AKAP7: variants seen among roughly 807,000 people sequenced by gnomAD.
The protein encoded by AKAP7 is A kinase (PRKA) anchor protein 7.
Under a neutral mutation model 39.5 loss-of-function variants are expected in AKAP7, and 39 were observed. The ratio of observed to expected loss-of-function variants is 0.99; its 90% CI spans 0.76 to 1.29. The LOEUF (loss-of-function observed/expected upper bound fraction) is 1.29, where lower values mean the gene tolerates loss of function less well. Ranked by LOEUF, AKAP7 falls within the 50% of genes most tolerant of loss-of-function variation. The pLI, the probability that AKAP7 is intolerant of heterozygous loss-of-function variation, is 0.00. For missense variants in AKAP7, 414 were observed against 407.7 expected (o/e 1.02, Z -0.13); for synonymous variants, 140 against 139.1 (o/e 1.01, Z -0.05).
rs1340865874 is a variant in AKAP7 at position 131,199,534 on chromosome 6, C to G, written c.663C>G (p.Thr221=). ...GCAGAAGTTTTAAACCTCATTTGAC[C>G]TTCATGAAGTTGTCAAAATCACCGT... ...GESRSFKPHL[T]FMKLSKSPWL... is the part of the protein sequence containing the mutation. The change falls in exon 6 of 8, where the codon ACC becomes ACG. Residue 221 remains threonine (T), a synonymous_variant. Coordinates refer to ENST00000431975, the MANE Select transcript of AKAP7 (RefSeq NM_016377.4). The G allele has an allele frequency of 6.2e-7, 1 of 1,611,722 alleles. No individual in the cohort carries two copies. Among genetic ancestry groups the G allele is most frequent in the Non-Finnish European group, 8.5e-7 (1 of 1,178,078 alleles).
At position 131,282,363 on chromosome 6, in the gene AKAP7, T is replaced by G. The variant is rs1585240394; in HGVS notation, c.*637T>G. ...ATTTTGATAAGTCAGTATGCCATAT[T>G]TAATGAAATGTTATTATATAATTTT... On this transcript the variant is annotated 3_prime_UTR_variant, in exon 8 of 8. Transcript: ENST00000431975. The G allele has an allele frequency of 7.0e-7, 1 of 1,423,534 alleles. No individual in the cohort carries two copies. Among genetic ancestry groups the G allele is most frequent in the East Asian group, 2.5e-5 (1 of 39,502 alleles). The allele number at this position is 1,423,534 out of a possible 1,614,324, so 88.2% of individuals were successfully genotyped here. A position where few individuals can be genotyped will look rare whatever the true frequency, so the allele number is the denominator to read the frequency against.
At position 131,240,890 on chromosome 6, in the gene AKAP7, G is replaced by T. The variant is rs9483235; in HGVS notation, c.850+21082G>T. Among the ~76,000 whole-genome samples, 5 of 152,058 alleles carry T rather than the reference G, an allele frequency of 3.3e-5. 1 individual carries two copies. Among genetic ancestry groups the T allele is most frequent in the African/African-American group, 1.2e-4 (5 of 41,378 alleles). On this transcript the variant is annotated intron_variant, in intron 7 of 7. Coordinates refer to ENST00000431975, the MANE Select transcript of AKAP7 (RefSeq NM_016377.4). ...GATGCCTTGCCCTGCTTCAGCTCAC[G>T]CTCAGTGCCCTGCACCCACTGTCCT...
upstream of AKAP7, among the ~76,000 whole-genome samples, chr6:131,130,646 T>C (rs577687228): frequency 1.3e-5 from 2 of 152,312 alleles, no homozygotes; most frequent in South Asian, 4.1e-4. Flanking sequence ...ACTGGGAGAA[T>C]CCACTGTGGC....
intron 1 of AKAP7, 62 bp downstream of exon 1, chr6:131,135,844 T>C (rs1584915817): frequency 3.3e-6 from 4 of 1,223,558 alleles, no homozygotes; most frequent in Non-Finnish European, 3.1e-6. Context: ...GGCCTGGGCC[T>C]GCTCTGCGCT....
At chr6:131,154,714 TC>T in intron 2 of AKAP7, among the ~76,000 whole-genome samples, 1 of 152,144 alleles carries the variant, frequency 6.6e-6, no homozygotes, top group East Asian at 1.9e-4. Flanking sequence ...CTTAATGTCA[TC>T]AAATAGCAAG....
At chr6:131,242,211 A>G (rs1053700332) in intron 7 of AKAP7, 2 of 983,030 alleles carry the variant, frequency 2.0e-6, no homozygotes, top group East Asian at 1.1e-4. Context: ...GATTCTGGCT[A>G]TGAGTAAAGG....
intron 3 of AKAP7, among the ~76,000 whole-genome samples, chr6:131,161,810 T>A (rs1395243053): frequency 6.6e-6 from 1 of 152,018 alleles, no homozygotes; most frequent in East Asian, 1.9e-4. Context: ...CGTATACCTG[T>A]GGGGATTAGA....
At chr6:131,268,974 T>C (rs1244078149) in intron 7 of AKAP7, among the ~76,000 whole-genome samples, 1 of 152,236 alleles carries the variant, frequency 6.6e-6, no homozygotes, top group East Asian at 1.9e-4. Context: ...TATATTTATT[T>C]CTTCTTTGTC....
At chr6:131,270,112 A>G (rs1444705628) in intron 7 of AKAP7, among the ~76,000 whole-genome samples, 2 of 152,210 alleles carry the variant, frequency 1.3e-5, no homozygotes, top group African/African-American at 4.8e-5. Context: ...ATTTACATAC[A>G]GTAATATTCA....
At chr6:131,203,230 A>G (rs1807776701) in intron 6 of AKAP7, among the ~76,000 whole-genome samples, 1 of 152,160 alleles carries the variant, frequency 6.6e-6, no homozygotes, top group African/African-American at 2.4e-5. Flanking sequence ...TTGAAAATAT[A>G]TGGTTCCTTA....
chr6:131,277,611 G>T (rs1459076026), intron 7 of AKAP7, among the ~76,000 whole-genome samples: 2 of 152,198 alleles, frequency 1.3e-5, no homozygotes, highest in South Asian at 2.1e-4. Flanking sequence ...CTAATCTTAA[G>T]ATCCCTCTTT....
chr6:131,249,814 T>C (rs1562243223), intron 7 of AKAP7, among the ~76,000 whole-genome samples: 1 of 152,224 alleles, frequency 6.6e-6, no homozygotes, highest in African/African-American at 2.4e-5. Context: ...GGTAATTTTC[T>C]AGGCTGTTGA....
At chr6:131,195,896 GT>G (rs557514469) in intron 5 of AKAP7, among the ~76,000 whole-genome samples, 6 of 151,984 alleles carry the variant, frequency 3.9e-5, no homozygotes, top group Non-Finnish European at 8.8e-5. Context: ...ACCTTTGGGC[GT>G]TTGATTATTA....
At chr6:131,264,267 A>C (rs1813597995) in intron 7 of AKAP7, among the ~76,000 whole-genome samples, 1 of 152,212 alleles carries the variant, frequency 6.6e-6, no homozygotes, top group Non-Finnish European at 1.5e-5. Flanking sequence ...GGAAAGTTGC[A>C]TATAAACTGA....
At chr6:131,226,075 A>G (rs561659874) in intron 7 of AKAP7, among the ~76,000 whole-genome samples, 28 of 152,364 alleles carry the variant, frequency 1.8e-4, no homozygotes, top group African/African-American at 6.5e-4. Flanking sequence ...CTTGCATGGC[A>G]CTACAGTTTC....
intron 5 of AKAP7, among the ~76,000 whole-genome samples, chr6:131,188,684 A>G (rs1806109291): frequency 6.6e-6 from 1 of 150,776 alleles, no homozygotes; most frequent in Non-Finnish European, 1.5e-5. Context: ...GACTACAGGC[A>G]TAGGCCATCA....
the AKAP7 span, among the ~76,000 whole-genome samples, chr6:131,126,743 C>T: frequency 7.8e-3 from 1,181 of 152,328 alleles, 18 homozygotes; most frequent in African/African-American, 0.025. Context: ...ATTCATGCGT[C>T]TTGTCTCCCT....
chr6:131,150,820 G>T (rs1324439632), intron 2 of AKAP7, among the ~76,000 whole-genome samples: 2 of 152,102 alleles, frequency 1.3e-5, no homozygotes, highest in African/African-American at 4.8e-5. Context: ...TGTCTCACAG[G>T]ATTGTTGGAA....
chr6:131,248,435 C>T lies in AKAP7; in HGVS notation c.850+28627C>T, dbSNP rs141665644. Among the ~76,000 whole-genome samples, 351 of 152,288 alleles carry T rather than the reference C, an allele frequency of 2.3e-3. 1 individual carries two copies. Among genetic ancestry groups the T allele is most frequent in the Non-Finnish European group, 3.5e-3 (238 of 68,022 alleles). Reference sequence around the variant, plus strand: ...GTTACTAATTTTCCTCAGTGAAGAACGTTCCCTGCAAATACATCTTCACTG... The same window carrying T: ...GTTACTAATTTTCCTCAGTGAAGAATGTTCCCTGCAAATACATCTTCACTG... On this transcript the variant is annotated intron_variant, in intron 7 of 7. Coordinates refer to ENST00000431975, the MANE Select transcript of AKAP7 (RefSeq NM_016377.4).
Sources: allele counts gnomAD v4.1 joint callset (sites outside exome capture counted in the v4.1 genomes callset), GRCh38; gene constraint gnomAD v4.1.1; transcripts MANE v1.5; gene names NCBI Gene and HGNC (gene_info 2026-07-23, HGNC 2026-07-21).